Variants in LRRC20 observed in about 807,000 individuals in gnomAD.
LRRC20 encodes leucine-rich repeat-containing protein 20.
A neutral mutation model predicts 14.4 loss-of-function variants in LRRC20; 11 were observed. The ratio of observed to expected loss-of-function variants is 0.77; its 90% CI spans 0.48 to 1.27. LRRC20 has a LOEUF of 1.27. LRRC20 is among the 50% of genes most tolerant of loss of function. The pLI is 0.00. For missense variants in LRRC20, 219 were observed against 251.2 expected (o/e 0.87, Z 0.87); for synonymous variants, 121 against 107.3 (o/e 1.13, Z -0.79).
intron 2 of LRRC20, among the ~76,000 whole-genome samples, chr10:70,354,799 TC>T (rs1843461167): frequency 6.6e-6 from 1 of 152,146 alleles, no homozygotes; most frequent in Non-Finnish European, 1.5e-5. Context: ...CTCTTCACTC[TC>T]TTCTCTCGCT....
chr10:70,334,472 G>A lies in LRRC20; in HGVS notation c.232+6081C>T, dbSNP rs151319222. On this transcript the variant is annotated intron_variant, in intron 3 of 4. Transcript: ENST00000446961. ...GTAATGTGCCCAGGGGACACTCCCC[G>A]TCTCCTCCCTTCCCAGAACTCCAGA... Among the ~76,000 whole-genome samples, 95 of 152,192 alleles carry A rather than the reference G, an allele frequency of 6.2e-4. No homozygotes were observed. In the East Asian group the frequency reaches 0.015, roughly 23 times the overall value.
chr10:70,363,409 T>C (rs191180368), intron 2 of LRRC20, among the ~76,000 whole-genome samples: 7 of 152,236 alleles, frequency 4.6e-5, no homozygotes, highest in East Asian at 3.9e-4. Context: ...AAACATCTGT[T>C]AATGAACCAG....
chr10:70,355,113 A>G (rs1296960202), intron 2 of LRRC20, among the ~76,000 whole-genome samples: 1 of 152,182 alleles, frequency 6.6e-6, no homozygotes, highest in African/African-American at 2.4e-5. Context: ...AGTCTCTGAA[A>G]TGTCACTCAA....
At chr10:70,320,699 A>C (rs943314879) in intron 4 of LRRC20, among the ~76,000 whole-genome samples, 1 of 152,188 alleles carries the variant, frequency 6.6e-6, no homozygotes, top group Non-Finnish European at 1.5e-5. Flanking sequence ...CCGTGTGCTC[A>C]AGGTGGCAAC....
At chr10:70,322,531 T>G (rs547799391) in intron 4 of LRRC20, among the ~76,000 whole-genome samples, 2 of 152,098 alleles carry the variant, frequency 1.3e-5, no homozygotes, top group Non-Finnish European at 2.9e-5. Flanking sequence ...AGGCTCCTTC[T>G]GCTCTGGGCA....
intron 2 of LRRC20, among the ~76,000 whole-genome samples, chr10:70,345,361 A>T (rs10999281): frequency 0.037 from 5,601 of 152,278 alleles, 162 homozygotes; most frequent in East Asian, 0.095. Flanking sequence ...AAACCAAATT[A>T]AAAAAAGTAA....
rs925057509 is a variant in LRRC20 at position 70,299,514 on chromosome 10, C to G, written c.*1840G>C. ...CGGGAGGTATAGGGTGAGGCCTAGA[C>G]TCTGCATTCCTAACAAGCTCCCAGG... On this transcript the variant is annotated 3_prime_UTR_variant, in exon 5 of 5. Coordinates refer to ENST00000446961, the MANE Select transcript of LRRC20 (RefSeq NM_001278212.2). The G allele has an allele frequency of 1.3e-5, 2 of 152,312 alleles. No homozygotes were observed. The highest frequency in any genetic ancestry group is 2.9e-5 in the Non-Finnish European group (2 of 68,120). The allele number at this position is 152,312 out of a possible 1,614,324, so 9.4% of individuals were successfully genotyped here.
chr10:70,302,664 G>C (rs1841247142), intron 4 of LRRC20, among the ~76,000 whole-genome samples: 1 of 152,010 alleles, frequency 6.6e-6, no homozygotes, highest in Non-Finnish European at 1.5e-5. Context: ...CTTGAGCCCA[G>C]GAGTTCAAAG....
rs924625848 is a variant in LRRC20 at position 70,300,345 on chromosome 10, C to G, written c.*1009G>C. The G allele has an allele frequency of 1.0e-6, 1 of 983,992 alleles. No homozygotes were observed. Among genetic ancestry groups the G allele is most frequent in the African/African-American group, 1.7e-5 (1 of 57,226 alleles). 61.0% of individuals were successfully genotyped at this position (983,992 alleles called of 1,614,324 possible). A position where few individuals can be genotyped will look rare whatever the true frequency, so the allele number is the denominator to read the frequency against. ...CCAGGACAGCTGGTCACCCTGTTGC[C>G]TGACCATACCCTAAGATGCCAGGTT... is the stretch of plus-strand genomic sequence containing the variant. On this transcript the variant is annotated 3_prime_UTR_variant, in exon 5 of 5. Coordinates refer to ENST00000446961, the MANE Select transcript of LRRC20 (RefSeq NM_001278212.2).
chr10:70,361,039 C>A (rs1188129588), intron 2 of LRRC20, among the ~76,000 whole-genome samples: 1 of 144,950 alleles, frequency 6.9e-6, no homozygotes, highest in African/African-American at 2.5e-5. Flanking sequence ...CAGAGTGAGA[C>A]CCCATCTCTA....
chr10:70,351,061 G>C (rs1357817440), intron 2 of LRRC20, among the ~76,000 whole-genome samples: 4 of 152,108 alleles, frequency 2.6e-5, no homozygotes, highest in Non-Finnish European at 5.9e-5. Context: ...CACACCTGTA[G>C]TCCCAGCTAC....
chr10:70,349,463 A>T (rs1843210790), intron 2 of LRRC20, among the ~76,000 whole-genome samples: 2 of 152,212 alleles, frequency 1.3e-5, no homozygotes, highest in Admixed American at 6.5e-5. Context: ...CTGTAATCCC[A>T]GCTACTCAGG....
chr10:70,313,446 G>T (rs1487410641), intron 4 of LRRC20, among the ~76,000 whole-genome samples: 1 of 152,048 alleles, frequency 6.6e-6, no homozygotes, highest in Non-Finnish European at 1.5e-5. Context: ...CTAGCTCAGT[G>T]GTTCTATCTA....
chr10:70,333,872 G>A (rs80048617), intron 3 of LRRC20, among the ~76,000 whole-genome samples: 4,595 of 152,286 alleles, frequency 0.03, 221 homozygotes, highest in African/African-American at 0.1. Context: ...GTTTCTGGCC[G>A]GGTGCTGTGG....
chr10:70,324,100 G>T (rs771256208), intron 3 of LRRC20, 70 bp from the exon 4 acceptor site: 2 of 1,440,674 alleles, frequency 1.4e-6, no homozygotes, highest in Non-Finnish European at 9.7e-7. Flanking sequence ...GTGACTGCCC[G>T]CTGTGGCTCT....
intron 3 of LRRC20, among the ~76,000 whole-genome samples, chr10:70,340,345 T>C (rs1842868307): frequency 6.6e-6 from 1 of 152,172 alleles, no homozygotes; most frequent in African/African-American, 2.4e-5. Flanking sequence ...TTGTTCAATC[T>C]GCTTCACAGC....
intron 4 of LRRC20, among the ~76,000 whole-genome samples, chr10:70,314,021 C>G (rs946485765): frequency 6.6e-6 from 1 of 152,044 alleles, no homozygotes; most frequent in African/African-American, 2.4e-5. Flanking sequence ...GCAGGCAAGA[C>G]AGAATGAGAG....
intron 4 of LRRC20, among the ~76,000 whole-genome samples, chr10:70,313,103 T>C (rs1841731247): frequency 6.6e-6 from 1 of 152,196 alleles, no homozygotes; most frequent in Non-Finnish European, 1.5e-5. Flanking sequence ...AGCCAGATCA[T>C]AACAATTCTT....
chr10:70,320,722 C>T (rs534047060), intron 4 of LRRC20, among the ~76,000 whole-genome samples: 31 of 152,298 alleles, frequency 2.0e-4, no homozygotes, highest in African/African-American at 7.2e-4. Context: ...AAGCCATCCA[C>T]GTGCCACACA....
Sources: allele counts gnomAD v4.1 joint callset (sites outside exome capture counted in the v4.1 genomes callset), GRCh38; gene constraint gnomAD v4.1.1; transcripts MANE v1.5; gene names NCBI Gene and HGNC (gene_info 2026-07-23, HGNC 2026-07-21).